TBC1D5: variants seen among roughly 807,000 people sequenced by gnomAD.
TBC1D5 encodes the protein TBC1 domain family member 5, also known as TBC1 domain family, member 5.
TBC1D5 carries 75 observed loss-of-function variants against 100.3 expected under a neutral mutation model. The ratio of observed to expected loss-of-function variants is 0.75; its 90% CI spans 0.62 to 0.91. The LOEUF (loss-of-function observed/expected upper bound fraction) is 0.91. Ranked by LOEUF, TBC1D5 falls within the 40% of genes least tolerant of loss-of-function variation. The probability of loss-of-function intolerance (pLI) is 0.00; values close to 1 mark genes in which losing one functional copy is unlikely to be tolerated. For synonymous variants in TBC1D5, 323 were observed against 325.6 expected (o/e 0.99, Z 0.09); for missense variants, 910 against 942.4 (o/e 0.97, Z 0.45).
chr3:17,179,563 A>C (rs1575772014), intron 19 of TBC1D5, among the ~76,000 whole-genome samples: 1 of 152,342 alleles, frequency 6.6e-6, no homozygotes, highest in East Asian at 1.9e-4. Flanking sequence ...GTGAAAGAGA[A>C]GCCAAGGACT....
chr3:17,254,717 T>C (rs2077476379), intron 16 of TBC1D5, among the ~76,000 whole-genome samples: 1 of 135,706 alleles, frequency 7.4e-6, no homozygotes, highest in Admixed American at 8.7e-5. Context: ...GCTTTTTGTT[T>C]CCCGTATAAG....
At chr3:17,444,193 C>A (rs1458595044) in intron 3 of TBC1D5, among the ~76,000 whole-genome samples, 1 of 151,838 alleles carries the variant, frequency 6.6e-6, no homozygotes, top group Non-Finnish European at 1.5e-5. Flanking sequence ...ATGCAAACTA[C>A]ATTAAAAACT....
chr3:17,194,739 T>A (rs917673920), intron 18 of TBC1D5, among the ~76,000 whole-genome samples: 2 of 152,222 alleles, frequency 1.3e-5, no homozygotes, highest in African/African-American at 4.8e-5. Flanking sequence ...TAAGTAATAT[T>A]TATTAAGAAC....
intron 2 of TBC1D5, among the ~76,000 whole-genome samples, chr3:17,522,921 A>T (rs1418490845): frequency 6.6e-6 from 1 of 152,216 alleles, no homozygotes; most frequent in Non-Finnish European, 1.5e-5. Flanking sequence ...AGTAAATGAC[A>T]AAACTTCATA....
At chr3:17,362,223 G>A (rs947444502) in intron 13 of TBC1D5, among the ~76,000 whole-genome samples, 10 of 152,134 alleles carry the variant, frequency 6.6e-5, no homozygotes, top group African/African-American at 2.4e-4. Context: ...GGATTGGGCA[G>A]AGTTCTTATA....
intron 4 of TBC1D5, among the ~76,000 whole-genome samples, chr3:17,417,298 G>A (rs2094104071): frequency 2.6e-5 from 4 of 151,274 alleles, no homozygotes; most frequent in Admixed American, 6.6e-5. Context: ...CCATTAACTC[G>A]TCATTTAGCA....
At chr3:17,705,939 C>A (rs1387537592) in intron 1 of TBC1D5, 2 of 1,214,182 alleles carry the variant, frequency 1.6e-6, no homozygotes, top group East Asian at 5.1e-5. Flanking sequence ...GTCCGCTCCT[C>A]CAGCCGCTGC....
At chr3:17,271,178 C>G (rs1169457170) in intron 15 of TBC1D5, among the ~76,000 whole-genome samples, 1 of 152,042 alleles carries the variant, frequency 6.6e-6, no homozygotes, top group African/African-American at 2.4e-5. Flanking sequence ...ATAGAAATAG[C>G]AGTTTTGAAT....
intron 2 of TBC1D5, among the ~76,000 whole-genome samples, chr3:17,585,657 G>A (rs2096728199): frequency 6.6e-6 from 1 of 152,142 alleles, no homozygotes; most frequent in East Asian, 1.9e-4. Flanking sequence ...CAACAAATCA[G>A]TGATGAACAA....
intron 15 of TBC1D5, among the ~76,000 whole-genome samples, chr3:17,264,347 C>T (rs1040053505): frequency 2.0e-5 from 3 of 152,028 alleles, no homozygotes; most frequent in African/African-American, 7.2e-5. Flanking sequence ...TTCTTTACTC[C>T]AAGGTGGTAT....
chr3:17,488,368 C>T (rs907102042), intron 3 of TBC1D5, among the ~76,000 whole-genome samples: 12 of 152,134 alleles, frequency 7.9e-5, no homozygotes, highest in Non-Finnish European at 1.5e-4. Flanking sequence ...GTTTGTTAAT[C>T]CATTATCTGT....
chr3:17,372,194 C>T (rs1197256170), exon 13 of TBC1D5: 6 of 1,613,496 alleles, frequency 3.7e-6, no homozygotes, highest in Non-Finnish European at 5.1e-6. Context: ...CAATTGTTGG[C>T]CCTAAATCTT....
intron 1 of TBC1D5, among the ~76,000 whole-genome samples, chr3:17,701,309 C>T (rs1468866247): frequency 6.6e-6 from 1 of 152,076 alleles, no homozygotes; most frequent in Non-Finnish European, 1.5e-5. Flanking sequence ...GGGAACATCA[C>T]ACACTGGGGC....
At chr3:17,671,882 T>G (rs759098502) in intron 1 of TBC1D5, among the ~76,000 whole-genome samples, 1 of 152,260 alleles carries the variant, frequency 6.6e-6, no homozygotes, top group Non-Finnish European at 1.5e-5. Flanking sequence ...ATCTGTTTAT[T>G]ACACAGCATA....
At chr3:17,569,073 C>CA (rs776054511) in intron 2 of TBC1D5, among the ~76,000 whole-genome samples, 3 of 151,718 alleles carry the variant, frequency 2.0e-5, no homozygotes, top group Non-Finnish European at 4.4e-5. Context: ...CAAATACCCA[C>CA]AAAAAGAGAA....
chr3:17,553,084 C>T (rs1390444517), intron 2 of TBC1D5, among the ~76,000 whole-genome samples: 2 of 152,026 alleles, frequency 1.3e-5, no homozygotes, highest in African/African-American at 4.8e-5. Flanking sequence ...ATTAGATTAA[C>T]AGACTAAGCA....
intron 18 of TBC1D5, among the ~76,000 whole-genome samples, chr3:17,208,088 C>A (rs2072469504): frequency 6.6e-6 from 1 of 152,192 alleles, no homozygotes; most frequent in Non-Finnish European, 1.5e-5. Context: ...ATCACACTGG[C>A]CTGGAAACGA....
At chr3:17,167,452 A>C (rs1015566234) in intron 20 of TBC1D5, among the ~76,000 whole-genome samples, 2 of 152,244 alleles carry the variant, frequency 1.3e-5, no homozygotes, top group Admixed American at 1.3e-4. Flanking sequence ...TGGATGAATG[A>C]CTGAACATGA....
chr3:17,246,350 C>A (rs1187851087), intron 16 of TBC1D5, among the ~76,000 whole-genome samples: 1 of 152,152 alleles, frequency 6.6e-6, no homozygotes, highest in Non-Finnish European at 1.5e-5. Flanking sequence ...GTTATCAGTT[C>A]TTTCTAAATT....
Sources: gnomAD v4.1 joint callset for allele counts (sites outside exome capture counted in the v4.1 genomes callset) on GRCh38, gnomAD v4.1.1 for gene constraint, MANE v1.5 for transcripts, NCBI Gene and HGNC (gene_info 2026-07-23, HGNC 2026-07-21) for gene names.